LRMDA: variants seen among roughly 807,000 people sequenced by gnomAD.
The protein encoded by LRMDA is leucine rich melanocyte differentiation associated.
Under a neutral mutation model 29.8 loss-of-function variants are expected in LRMDA, and 18 were observed. The observed-to-expected ratio is 0.60, with a 90% CI of 0.42 to 0.90. The LOEUF (loss-of-function observed/expected upper bound fraction) is 0.90, where lower values mean the gene tolerates loss of function less well. LRMDA is among the 40% of genes least tolerant of loss of function. The pLI, the probability that LRMDA is intolerant of heterozygous loss-of-function variation, is 0.00. For missense variants in LRMDA, 273 were observed against 273.9 expected (o/e 1.00, Z 0.02); for synonymous variants, 125 against 109.4 (o/e 1.14, Z -0.89).
At chr10:76,486,477 T>G (rs1371857784) in intron 6 of LRMDA, among the ~76,000 whole-genome samples, 1 of 151,972 alleles carries the variant, frequency 6.6e-6, no homozygotes, top group East Asian at 1.9e-4. Flanking sequence ...TTCTGCATCT[T>G]ATGCCATATC....
chr10:76,215,207 G>A (rs1851708272), intron 5 of LRMDA, among the ~76,000 whole-genome samples: 1 of 152,182 alleles, frequency 6.6e-6, no homozygotes, highest in African/African-American at 2.4e-5. Context: ...GAGCATGGAC[G>A]AGAGTGTTCA....
chr10:75,507,621 C>CA (rs1164313032), intron 2 of LRMDA, among the ~76,000 whole-genome samples: 1 of 152,066 alleles, frequency 6.6e-6, no homozygotes, highest in Admixed American at 6.5e-5. Flanking sequence ...GGAGCCAGTT[C>CA]CTATTCTGTC....
chr10:75,854,211 G>A (rs1844782375), intron 2 of LRMDA, among the ~76,000 whole-genome samples: 2 of 152,146 alleles, frequency 1.3e-5, no homozygotes, highest in East Asian at 1.9e-4. Context: ...GATAGGCAAA[G>A]TCTCGACCAT....
At chr10:75,620,125 G>C (rs1841163520) in intron 2 of LRMDA, among the ~76,000 whole-genome samples, 1 of 152,128 alleles carries the variant, frequency 6.6e-6, no homozygotes, top group Non-Finnish European at 1.5e-5. Context: ...CACACTGCCT[G>C]CTCCCTGGAA....
intron 2 of LRMDA, among the ~76,000 whole-genome samples, chr10:75,954,342 A>T (rs1846629109): frequency 6.6e-6 from 1 of 152,198 alleles, no homozygotes; most frequent in Non-Finnish European, 1.5e-5. Context: ...TCCCGATGAT[A>T]GGCAGCCCCC....
intron 6 of LRMDA, among the ~76,000 whole-genome samples, chr10:76,391,811 T>C (rs1259132971): frequency 1.3e-5 from 2 of 152,306 alleles, no homozygotes; most frequent in East Asian, 3.9e-4. Flanking sequence ...AGAAGCTTTT[T>C]TGCATGAATA....
chr10:76,033,171 T>C (rs1387801635), intron 2 of LRMDA, among the ~76,000 whole-genome samples: 5 of 152,122 alleles, frequency 3.3e-5, no homozygotes, highest in Admixed American at 3.3e-4. Flanking sequence ...AGTACTCCCA[T>C]TTACTATGCT....
chr10:75,602,189 A>ACC (rs11373498), intron 2 of LRMDA, among the ~76,000 whole-genome samples: 4,741 of 151,150 alleles, frequency 0.031, 239 homozygotes, highest in African/African-American at 0.11. Flanking sequence ...GGAAAAAATA[A>ACC]CCCCCCCCAA....
chr10:75,962,501 A>G (rs1846786450), intron 2 of LRMDA, among the ~76,000 whole-genome samples: 1 of 152,198 alleles, frequency 6.6e-6, no homozygotes, highest in Non-Finnish European at 1.5e-5. Context: ...GACCTACTGG[A>G]CCAGATGACC....
intron 2 of LRMDA, among the ~76,000 whole-genome samples, chr10:75,591,897 A>G (rs1333923174): frequency 6.6e-6 from 1 of 152,132 alleles, no homozygotes; most frequent in Non-Finnish European, 1.5e-5. Context: ...CAGTCAATTC[A>G]TAAATGAGAA....
chr10:76,357,946 G>A (rs1179782517), intron 6 of LRMDA, among the ~76,000 whole-genome samples: 5 of 152,168 alleles, frequency 3.3e-5, no homozygotes, highest in African/African-American at 9.7e-5. Flanking sequence ...AGGCCATTGT[G>A]AAAACAGGAA....
chr10:75,988,212 T>A (rs1847295959), intron 2 of LRMDA, among the ~76,000 whole-genome samples: 1 of 152,004 alleles, frequency 6.6e-6, no homozygotes, highest in Non-Finnish European at 1.5e-5. Context: ...AAGAGACAGA[T>A]CCCAGGCTTG....
chr10:76,279,981 A>G (rs1300878769), intron 5 of LRMDA, among the ~76,000 whole-genome samples: 4 of 152,182 alleles, frequency 2.6e-5, no homozygotes, highest in African/African-American at 9.6e-5. Flanking sequence ...TTTAATGCCT[A>G]TTTGTGAGTG....
intron 2 of LRMDA, among the ~76,000 whole-genome samples, chr10:75,791,705 C>T (rs1490151046): frequency 3.3e-5 from 5 of 152,098 alleles, no homozygotes; most frequent in East Asian, 1.9e-4. Context: ...CAGGCCCTTC[C>T]GGCCTCTCCA....
At chr10:75,612,346 T>C (rs948097380) in intron 2 of LRMDA, among the ~76,000 whole-genome samples, 2 of 152,126 alleles carry the variant, frequency 1.3e-5, no homozygotes, top group African/African-American at 4.8e-5. Flanking sequence ...TAGGCAATAA[T>C]GAATATTCTT....
intron 2 of LRMDA, among the ~76,000 whole-genome samples, chr10:75,992,902 C>T (rs1017792365): frequency 2.6e-5 from 4 of 151,862 alleles, no homozygotes; most frequent in African/African-American, 9.7e-5. Flanking sequence ...CCTTTGTCTG[C>T]CTATTGGCTT....
At chr10:75,957,974 C>T (rs965193099) in intron 2 of LRMDA, among the ~76,000 whole-genome samples, 5 of 152,082 alleles carry the variant, frequency 3.3e-5, no homozygotes, top group African/African-American at 9.7e-5. Flanking sequence ...GTAAAGAACC[C>T]GTCATGAGCC....
intron 6 of LRMDA, among the ~76,000 whole-genome samples, chr10:76,403,767 G>T (rs368574971): frequency 6.6e-6 from 1 of 152,142 alleles, no homozygotes; most frequent in Non-Finnish European, 1.5e-5. Context: ...AACTCTCTCT[G>T]TGTGGCAAAA....
Position 75,589,765 on chromosome 10 carries a change from A to AAATAT in LRMDA, c.131+151272_131+151273insATATA, listed in dbSNP as rs71024554. ...GGAGATAGAGACCCTGTCTAAAAAA[A>AAATAT]ATATATATATATAGAGAGAGAGAGA... On this transcript the variant is annotated intron_variant, in intron 2 of 6. Transcript: ENST00000611255. 6.1e-3 allele frequency among the ~76,000 whole-genome samples: 890 copies of AAATAT among 144,880 alleles called. 8 individuals carry two copies. The highest frequency in any genetic ancestry group is 0.044 in the East Asian group (218 of 4,904).
Sources: allele counts gnomAD v4.1 joint callset (sites outside exome capture counted in the v4.1 genomes callset), GRCh38; gene constraint gnomAD v4.1.1; transcripts MANE v1.5; gene names NCBI Gene and HGNC (gene_info 2026-07-23, HGNC 2026-07-21).